The following CPVL variants were observed in gnomAD, a reference collection of about 807,000 sequenced individuals.
CPVL encodes the protein probable serine carboxypeptidase CPVL.
In CPVL, 51 loss-of-function variants were observed where a neutral mutation model predicts 63.7. The ratio of observed to expected loss-of-function variants is 0.80; its 90% CI spans 0.64 to 1.01. The LOEUF is 1.01. Ranked by LOEUF, CPVL falls within the 50% of genes least tolerant of loss-of-function variation. The pLI is 0.00. For synonymous variants in CPVL, 195 were observed against 206.0 expected, an observed-to-expected ratio of 0.95 and a Z score of 0.46; for missense variants, 530 against 573.1, an observed-to-expected ratio of 0.92 and a Z score of 0.77.
intron 10 of CPVL, among the ~76,000 whole-genome samples, chr7:29,064,863 A>G (rs553110783): frequency 6.6e-6 from 1 of 152,126 alleles, no homozygotes; most frequent in East Asian, 1.9e-4. Context: ...ATACATATGT[A>G]ACAAACCTGC....
intron 3 of CPVL, among the ~76,000 whole-genome samples, chr7:29,111,961 G>A (rs1275812934): frequency 6.6e-6 from 1 of 152,210 alleles, no homozygotes; most frequent in Non-Finnish European, 1.5e-5. Flanking sequence ...GCTTCTCAGC[G>A]CTTCCAGCAA....
At chr7:29,060,528 TATG>T (rs1791167278) in intron 11 of CPVL, among the ~76,000 whole-genome samples, 3 of 152,230 alleles carry the variant, frequency 2.0e-5, no homozygotes, top group African/African-American at 7.2e-5. Context: ...AAACTGCCAA[TATG>T]ATATTTCAAT....
intron 12 of CPVL, among the ~76,000 whole-genome samples, chr7:29,029,250 T>TA (rs35169964): frequency 2.0e-5 from 3 of 151,892 alleles, no homozygotes; most frequent in Non-Finnish European, 4.4e-5. Flanking sequence ...TGGAGGTTTC[T>TA]AAAAAAAACT....
At chr7:29,179,075 G>A (rs1435813431) in intron 5 of CPVL, among the ~76,000 whole-genome samples, 1 of 152,124 alleles carries the variant, frequency 6.6e-6, no homozygotes, top group Non-Finnish European at 1.5e-5. Context: ...CAGAAAACAG[G>A]AGGTGATCCT....
intron 3 of CPVL, among the ~76,000 whole-genome samples, chr7:29,099,073 T>A (rs541775745): frequency 4.6e-5 from 7 of 151,606 alleles, no homozygotes; most frequent in South Asian, 2.1e-4. Context: ...CTCAAAAAAA[T>A]AATAATAATA....
At chr7:29,168,935 T>A (rs1024530796) in intron 5 of CPVL, among the ~76,000 whole-genome samples, 1 of 152,208 alleles carries the variant, frequency 6.6e-6, no homozygotes, top group Non-Finnish European at 1.5e-5. Context: ...TTTTAAGTAA[T>A]ACCCAGCCCA....
intron 11 of CPVL, among the ~76,000 whole-genome samples, chr7:29,032,062 T>C (rs1308342388): frequency 6.6e-6 from 1 of 152,130 alleles, no homozygotes; most frequent in African/African-American, 2.4e-5. Context: ...CCACTCCACC[T>C]CCAACAAAGA....
At chr7:29,089,674 C>G (rs1440444224) in intron 6 of CPVL, among the ~76,000 whole-genome samples, 3 of 152,158 alleles carry the variant, frequency 2.0e-5, no homozygotes, top group Non-Finnish European at 4.4e-5. Context: ...CCATCCATTC[C>G]CTAGAAAATT....
At chr7:29,044,012 G>A (rs976843931) in intron 11 of CPVL, among the ~76,000 whole-genome samples, 1 of 152,142 alleles carries the variant, frequency 6.6e-6, no homozygotes, top group African/African-American at 2.4e-5. Context: ...TGATGATGAT[G>A]ATGATGGAAA....
chr7:29,194,907 G>C, intron 1 of CPVL: 2 of 1,522,282 alleles, frequency 1.3e-6, no homozygotes, highest in Non-Finnish European at 1.8e-6. Flanking sequence ...TCCGCACCGG[G>C]GCTGAGCGAG....
At chr7:29,144,578 T>C (rs771628555) in intron 1 of CPVL, among the ~76,000 whole-genome samples, 1 of 152,018 alleles carries the variant, frequency 6.6e-6, no homozygotes, top group Non-Finnish European at 1.5e-5. Context: ...GAATGGGTCA[T>C]TACTATTTAC....
intron 3 of CPVL, among the ~76,000 whole-genome samples, chr7:29,096,680 TACTC>T (rs1005493501): frequency 3.3e-5 from 5 of 152,166 alleles, no homozygotes; most frequent in South Asian, 2.1e-4. Flanking sequence ...TTTCTGATTT[TACTC>T]ACTAAGAACG....
chr7:29,031,389 C>T (rs989578218), intron 11 of CPVL, among the ~76,000 whole-genome samples: 2 of 152,132 alleles, frequency 1.3e-5, no homozygotes, highest in Admixed American at 1.3e-4. Flanking sequence ...TCCTAGAATA[C>T]AATTTTTTGT....
At chr7:29,155,415 G>A (rs1051040111) in intron 5 of CPVL, among the ~76,000 whole-genome samples, 3 of 152,192 alleles carry the variant, frequency 2.0e-5, no homozygotes, top group Admixed American at 6.5e-5. Flanking sequence ...GTCATGCTAA[G>A]TGTATCACAC....
At chr7:29,134,720 AAAT>A (rs1287752728) in intron 1 of CPVL, among the ~76,000 whole-genome samples, 2 of 152,182 alleles carry the variant, frequency 1.3e-5, no homozygotes, top group Admixed American at 6.5e-5. Context: ...GAACTTTAAA[AAAT>A]AGGAAGAAAA....
At chr7:29,108,686 G>A (rs963691104) in intron 3 of CPVL, among the ~76,000 whole-genome samples, 4 of 152,212 alleles carry the variant, frequency 2.6e-5, no homozygotes, top group African/African-American at 9.6e-5. Flanking sequence ...CCACTCTAAT[G>A]CTTTCCCTTA....
intron 11 of CPVL, among the ~76,000 whole-genome samples, chr7:29,037,573 G>A (rs28368241): frequency 0.084 from 9,926 of 118,842 alleles, 1,276 homozygotes; most frequent in African/African-American, 0.27. Flanking sequence ...AAAAAAAAAA[G>A]AAAAGAAAAG....
At chr7:29,096,332 A>G in intron 3 of CPVL, 115 bp from the exon 4 acceptor site, 1 of 788,830 alleles carries the variant, frequency 1.3e-6, no homozygotes, top group Non-Finnish European at 2.2e-6. Flanking sequence ...ACTAAATCCT[A>G]CAAAACCTCC....
At chr7:29,058,807 G>C (rs1472354264) in intron 11 of CPVL, among the ~76,000 whole-genome samples, 1 of 151,712 alleles carries the variant, frequency 6.6e-6, no homozygotes, top group East Asian at 1.9e-4. Flanking sequence ...CTCCCCTTTG[G>C]CTTCTTTTGA....
Sources: gnomAD v4.1 joint callset for allele counts (sites outside exome capture counted in the v4.1 genomes callset) on GRCh38, gnomAD v4.1.1 for gene constraint, MANE v1.5 for transcripts, NCBI Gene and HGNC (gene_info 2026-07-23, HGNC 2026-07-21) for gene names.